WIF1: variants seen among roughly 807,000 people sequenced by gnomAD.
WIF1 encodes the protein Wnt inhibitory factor 1.
In WIF1, 35 loss-of-function variants were observed where a neutral mutation model predicts 53.5. The ratio of observed to expected loss-of-function variants is 0.65; its 90% CI spans 0.50 to 0.87. WIF1 has a LOEUF of 0.87. Ranked by LOEUF, WIF1 falls within the 40% of genes least tolerant of loss-of-function variation. The pLI is 0.00. For synonymous variants in WIF1, 171 were observed against 170.4 expected (o/e 1.00, Z -0.03); for missense variants, 467 against 476.8 (o/e 0.98, Z 0.19).
chr12:65,066,333 A>C (rs988861410), intron 6 of WIF1, among the ~76,000 whole-genome samples: 1 of 152,150 alleles, frequency 6.6e-6, no homozygotes, highest in Non-Finnish European at 1.5e-5. Flanking sequence ...TATTGGCTGG[A>C]TCTAGAGAGT....
Position 65,051,164 on chromosome 12 carries a change from TG to T in WIF1, c.*184del. The T allele has an allele frequency of 1.6e-6, 1 of 635,210 alleles. No homozygotes were observed. The highest frequency in any genetic ancestry group is 2.4e-6 in the Non-Finnish European group (1 of 419,964). 39.3% of individuals were successfully genotyped at this position (635,210 alleles called of 1,614,324 possible). A position where few individuals can be genotyped will look rare whatever the true frequency, so the allele number is the denominator to read the frequency against. On this transcript the variant is annotated 3_prime_UTR_variant, in exon 10 of 10. Transcript: ENST00000286574. Reference sequence around the variant, plus strand: ...TGAAACAAGAAAATCTATACCATCATGCTACAGACGTACTTAGAAAACTTAA... The same window carrying T: ...TGAAACAAGAAAATCTATACCATCATCTACAGACGTACTTAGAAAACTTAA...
intron 9 of WIF1, among the ~76,000 whole-genome samples, chr12:65,053,187 C>T (rs1882467605): frequency 6.6e-6 from 1 of 152,120 alleles, no homozygotes; most frequent in Non-Finnish European, 1.5e-5. Context: ...TTCAACCATT[C>T]CCACTGTGTG....
At chr12:65,065,925 G>A (rs545127232) in intron 6 of WIF1, among the ~76,000 whole-genome samples, 140 of 152,272 alleles carry the variant, frequency 9.2e-4, no homozygotes, top group African/African-American at 3.0e-3. Flanking sequence ...TGTTAAGAAG[G>A]AAGAACCTAA....
Position 65,121,175 on chromosome 12 carries a change from G to A in WIF1, c.17C>T (p.Ala6Val), listed in dbSNP as rs1484658928. Residue 6 changes from alanine to valine, a missense_variant, in exon 1 of 10, where the codon GCC becomes GTC. Physicochemically the swap from Ala to Val is moderately conservative, Grantham distance 64. Transcript: ENST00000286574. Reference protein sequence around the residue: MARRSAFPAAALWLWS... With the variant: MARRSVFPAAALWLWS... ...GAGCCAGAGCGCGGCGGCAGGGAAG[G>A]CGCTCCTCCGGGCCATGCTGCTCAG... is the stretch of plus-strand genomic sequence containing the variant. 1.9e-6 allele frequency: 3 copies of A among 1,543,364 alleles called. No homozygotes were observed. The highest frequency in any genetic ancestry group is 2.4e-5 in the East Asian group (1 of 40,992).
chr12:65,076,560 A>T (rs887903061), intron 3 of WIF1, among the ~76,000 whole-genome samples: 8 of 152,290 alleles, frequency 5.3e-5, no homozygotes, highest in African/African-American at 1.7e-4. Context: ...TTAGGAATCG[A>T]TTTTAACAAA....
intron 2 of WIF1, among the ~76,000 whole-genome samples, chr12:65,113,248 G>C (rs1227605005): frequency 6.6e-6 from 1 of 152,192 alleles, no homozygotes; most frequent in Non-Finnish European, 1.5e-5. Context: ...CAGAGGTCCG[G>C]CAACAGGATA....
At chr12:65,053,684 A>T (rs1882478465) in intron 9 of WIF1, among the ~76,000 whole-genome samples, 1 of 152,170 alleles carries the variant, frequency 6.6e-6, no homozygotes, top group African/African-American at 2.4e-5. Flanking sequence ...GAACAGACTA[A>T]TACATGTAAC....
At chr12:65,078,566 T>A (rs1882899996) in intron 2 of WIF1, among the ~76,000 whole-genome samples, 1 of 152,172 alleles carries the variant, frequency 6.6e-6, no homozygotes, top group Non-Finnish European at 1.5e-5. Flanking sequence ...TTTGGAGAGT[T>A]GTAATGAAGT....
intron 9 of WIF1, 123 bp downstream of exon 9, chr12:65,054,995 G>T (rs1882501438): frequency 3.2e-6 from 3 of 943,502 alleles, no homozygotes; most frequent in African/African-American, 1.7e-5. Context: ...CTGAGTTATA[G>T]GTTGACTGTT....
chr12:65,073,666 A>G (rs937654611), intron 3 of WIF1, among the ~76,000 whole-genome samples: 9 of 152,210 alleles, frequency 5.9e-5, no homozygotes, highest in African/African-American at 1.9e-4. Context: ...GCCTTGTAGA[A>G]TAATGAATGC....
At chr12:65,099,321 T>A (rs946898322) in intron 2 of WIF1, among the ~76,000 whole-genome samples, 4 of 152,172 alleles carry the variant, frequency 2.6e-5, no homozygotes, top group African/African-American at 9.7e-5. Flanking sequence ...TGAGAATGAT[T>A]TCCCTCCATC....
chr12:65,077,182 C>T (rs758313291), intron 3 of WIF1, among the ~76,000 whole-genome samples: 4 of 152,126 alleles, frequency 2.6e-5, no homozygotes, highest in Non-Finnish European at 5.9e-5. Flanking sequence ...AATTAGATAA[C>T]GCAAGAGTGA....
At position 65,120,573 on chromosome 12, in the gene WIF1, T is replaced by A. The variant is rs1401695928; in HGVS notation, c.149-17A>T. ...CTTCAAATCCTGGTTTTTAAAATAA[T>A]AAAACGATCAAACCAGGTAGACTTG... On this transcript the variant is annotated splice_polypyrimidine_tract_variant and intron_variant, in intron 1 of 9. Coordinates refer to ENST00000286574, the MANE Select transcript of WIF1 (RefSeq NM_007191.5). The A allele has an allele frequency of 6.2e-7, 1 of 1,600,010 alleles. No homozygotes were observed. The highest frequency in any genetic ancestry group is 8.5e-7 in the Non-Finnish European group (1 of 1,176,138).
At chr12:65,061,203 G>A (rs1481579964) in intron 7 of WIF1, among the ~76,000 whole-genome samples, 6 of 152,080 alleles carry the variant, frequency 3.9e-5, no homozygotes, top group Admixed American at 2.6e-4. Flanking sequence ...CTATAAAAAT[G>A]GTTACTTCAT....
chr12:65,054,659 AG>A (rs1412579784), intron 9 of WIF1, among the ~76,000 whole-genome samples: 1 of 152,238 alleles, frequency 6.6e-6, no homozygotes, highest in Non-Finnish European at 1.5e-5. Context: ...TATTTTAAGA[AG>A]CAAAATGCTT....
chr12:65,116,044 T>C (rs1325207637), intron 2 of WIF1, among the ~76,000 whole-genome samples: 1 of 152,210 alleles, frequency 6.6e-6, no homozygotes, highest in East Asian at 1.9e-4. Context: ...TAAAATAATC[T>C]TTTAAATTAC....
At chr12:65,094,901 CTTATTTATTTAT>C (rs71096024) in intron 2 of WIF1, among the ~76,000 whole-genome samples, 9,003 of 134,230 alleles carry the variant, frequency 0.067, 375 homozygotes, top group Non-Finnish European at 0.096. Flanking sequence ...TCCTCTTCTT[CTTATTTATTTAT>C]TTATTTATTT....
At chr12:65,052,664 T>C (rs376738628) in intron 9 of WIF1, among the ~76,000 whole-genome samples, 4 of 152,302 alleles carry the variant, frequency 2.6e-5, no homozygotes, top group African/African-American at 9.6e-5. Context: ...GGGTGACCTC[T>C]CCTGGAAAAC....
In WIF1 at chr12:65,051,484, C is replaced by T; in HGVS notation, c.1019-14G>A. 1.9e-6 allele frequency: 3 copies of T among 1,576,076 alleles called. No homozygotes were observed. Among genetic ancestry groups the T allele is most frequent in the Non-Finnish European group, 1.7e-6 (2 of 1,162,384 alleles). The stretch of plus-strand genomic sequence containing the variant: ...TGGCTTCGTACCCTGCAAAATTATT[C>T]ACAGCTTAAAAGGAAAGAAACTACA... On this transcript the variant is annotated splice_polypyrimidine_tract_variant and intron_variant, in intron 9 of 9. Transcript: ENST00000286574.
Sources: gnomAD v4.1 joint callset for allele counts (sites outside exome capture counted in the v4.1 genomes callset) on GRCh38, gnomAD v4.1.1 for gene constraint, MANE v1.5 for transcripts, NCBI Gene and HGNC (gene_info 2026-07-23, HGNC 2026-07-21) for gene names.